The following CDK14 variants were observed in gnomAD, a reference collection of about 807,000 sequenced individuals.
CDK14 encodes cyclin-dependent kinase 14.
Under a neutral mutation model 60.7 loss-of-function variants are expected in CDK14, and 34 were observed. The observed-to-expected ratio is 0.56, with a 90% CI of 0.43 to 0.75. CDK14 has a LOEUF of 0.75. Among genes scored for constraint, CDK14 ranks in the 30% least tolerant of loss-of-function variants. The pLI, the probability that CDK14 is intolerant of heterozygous loss-of-function variation, is 0.00. For missense variants in CDK14, 482 were observed against 564.1 expected (o/e 0.85, Z 1.47); for synonymous variants, 197 against 203.7 (o/e 0.97, Z 0.28).
intron 10 of CDK14, among the ~76,000 whole-genome samples, chr7:90,994,218 A>T (rs1188524964): frequency 1.3e-5 from 2 of 152,178 alleles, no homozygotes; most frequent in Non-Finnish European, 2.9e-5. Flanking sequence ...TCGACTAATC[A>T]GGGCTGGAGC....
intron 10 of CDK14, among the ~76,000 whole-genome samples, chr7:91,038,089 C>G (rs551699923): frequency 6.6e-6 from 1 of 152,270 alleles, no homozygotes; most frequent in South Asian, 2.1e-4. Context: ...CCAGCCCTCT[C>G]CCTCAGTCAC....
At chr7:91,150,547 C>T (rs1299157149) in intron 14 of CDK14, among the ~76,000 whole-genome samples, 1 of 152,068 alleles carries the variant, frequency 6.6e-6, no homozygotes, top group Non-Finnish European at 1.5e-5. Context: ...TAGGATCACA[C>T]TAAATTTATA....
intron 5 of CDK14, among the ~76,000 whole-genome samples, chr7:90,824,089 G>C (rs565724703): frequency 6.6e-6 from 1 of 152,186 alleles, no homozygotes; most frequent in Admixed American, 6.5e-5. Context: ...TGTGAGCTTT[G>C]TCAGGAACGG....
At chr7:90,604,722 T>C (rs34651375) in intron 2 of CDK14, among the ~76,000 whole-genome samples, 1 of 152,230 alleles carries the variant, frequency 6.6e-6, no homozygotes, top group African/African-American at 2.4e-5. Flanking sequence ...ATTCTTTGTA[T>C]ATCAGATCCG....
At chr7:90,648,787 T>C (rs1002652258) in intron 2 of CDK14, among the ~76,000 whole-genome samples, 3 of 152,218 alleles carry the variant, frequency 2.0e-5, no homozygotes, top group African/African-American at 7.2e-5. Context: ...CCCTGTCCTA[T>C]GAAACTTCTG....
At chr7:90,660,892 A>G (rs1404870929) in intron 2 of CDK14, among the ~76,000 whole-genome samples, 1 of 152,192 alleles carries the variant, frequency 6.6e-6, no homozygotes, top group African/African-American at 2.4e-5. Context: ...CACATGTCTC[A>G]GGTGAATGGA....
chr7:90,989,757 T>C (rs777862814), intron 10 of CDK14, among the ~76,000 whole-genome samples: 12 of 152,212 alleles, frequency 7.9e-5, no homozygotes, highest in Non-Finnish European at 1.6e-4. Context: ...AGCCACCTTT[T>C]CAAATTGGAC....
In CDK14 at chr7:90,657,980, G is replaced by GATCA. The variant is rs1297425430; in HGVS notation, c.123+53734_123+53737dup. Among the ~76,000 whole-genome samples the GATCA allele has an allele frequency of 2.6e-5, 4 of 152,208 alleles. No homozygotes were observed. In the East Asian group the frequency reaches 7.7e-4, roughly 29 times the overall value. On this transcript the variant is annotated intron_variant, in intron 2 of 14. Coordinates refer to ENST00000380050, the MANE Select transcript of CDK14 (RefSeq NM_001287135.2). ...GATCTAATTTTTGTTCAAACTGTAGGATCAATTATTATGTTGAATGGCTCT... is the reference window on the plus strand; with the variant it reads ...GATCTAATTTTTGTTCAAACTGTAGGATCAATCAATTATTATGTTGAATGGCTCT...
chr7:90,775,556 C>T (rs1804988640), intron 4 of CDK14, among the ~76,000 whole-genome samples: 1 of 150,880 alleles, frequency 6.6e-6, no homozygotes, highest in Admixed American at 6.7e-5. Context: ...TCAAAGACCT[C>T]AGTAATGTGT....
chr7:90,720,698 CTTA>C (rs1211920753), intron 2 of CDK14, among the ~76,000 whole-genome samples: 1 of 152,020 alleles, frequency 6.6e-6, no homozygotes, highest in Non-Finnish European at 1.5e-5. Flanking sequence ...TTTATGTAAT[CTTA>C]TTATTATTTC....
At chr7:90,720,698 C>A (rs1271081323) in intron 2 of CDK14, among the ~76,000 whole-genome samples, 1 of 152,138 alleles carries the variant, frequency 6.6e-6, no homozygotes, top group East Asian at 1.9e-4. Context: ...TTTATGTAAT[C>A]TTATTATTAT....
chr7:91,091,474 C>T (rs1186733395), intron 12 of CDK14, among the ~76,000 whole-genome samples: 2 of 111,136 alleles, frequency 1.8e-5, no homozygotes, highest in Admixed American at 9.7e-5. Context: ...AATATATATA[C>T]ATATATGTAT....
rs868584704 is a variant in CDK14 at position 91,103,285 on chromosome 7, G to T, written c.1155-9257G>T. 2.6e-5 allele frequency among the ~76,000 whole-genome samples: 4 copies of T among 151,858 alleles called. No homozygotes were observed. In the South Asian group the frequency reaches 8.3e-4, roughly 32 times the overall value. On this transcript the variant is annotated intron_variant, in intron 12 of 14. Coordinates refer to ENST00000380050, the MANE Select transcript of CDK14 (RefSeq NM_001287135.2). ...AAGAAATGCTGTCTTCCAGGAAGTA[G>T]CCCTCTTCGTCTTGCCACAACCAGT... is the stretch of plus-strand genomic sequence containing the variant.
At chr7:91,188,363 A>T (rs1802254369) in intron 14 of CDK14, among the ~76,000 whole-genome samples, 1 of 152,216 alleles carries the variant, frequency 6.6e-6, no homozygotes, top group Non-Finnish European at 1.5e-5. Flanking sequence ...GGAAAGAAGT[A>T]ATAGAATCTG....
intron 8 of CDK14, among the ~76,000 whole-genome samples, chr7:90,937,113 A>G (rs188675504): frequency 6.6e-6 from 1 of 152,268 alleles, no homozygotes; most frequent in East Asian, 1.9e-4. Context: ...ATAAGCAAAC[A>G]CATAAATAAA....
rs971805465 is a variant in CDK14 at position 91,208,023 on chromosome 7, G to A, written c.*887G>A. 7.9e-5 allele frequency: 12 copies of A among 152,508 alleles called. No individual in the cohort carries two copies. Among genetic ancestry groups the A allele is most frequent in the African/African-American group, 2.4e-4 (10 of 41,396 alleles). 9.4% of individuals were successfully genotyped at this position (152,508 alleles called of 1,614,324 possible). A position where few individuals can be genotyped will look rare whatever the true frequency, so the allele number is the denominator to read the frequency against. ...TGAGGAACAGAATGTTTTAAATCTG[G>A]TGCAAAAGAACTATATCTGCTGGAT... On this transcript the variant is annotated 3_prime_UTR_variant, in exon 15 of 15. Coordinates refer to ENST00000380050, the MANE Select transcript of CDK14 (RefSeq NM_001287135.2).
chr7:90,756,468 G>A (rs557376163), intron 4 of CDK14, among the ~76,000 whole-genome samples: 1 of 152,302 alleles, frequency 6.6e-6, no homozygotes, highest in African/African-American at 2.4e-5. Flanking sequence ...TTTCACTCTA[G>A]TAGGTATTAA....
chr7:90,981,812 C>CAAAACAAAACAAAACAAAACAAAACAA (rs1201989610), intron 9 of CDK14, among the ~76,000 whole-genome samples: 29 of 152,032 alleles, frequency 1.9e-4, no homozygotes, highest in Admixed American at 1.9e-3. Context: ...AGAAACAAAA[C>CAAAACAAAACAAAACAAAACAAAACAA]AAAACAAAAC....
chr7:91,006,079 G>A (rs1053465930), intron 10 of CDK14, among the ~76,000 whole-genome samples: 28 of 152,242 alleles, frequency 1.8e-4, no homozygotes, highest in African/African-American at 6.0e-4. Context: ...GGTGGACACC[G>A]CTGGACCCCG....
Sources: allele counts gnomAD v4.1 joint callset (sites outside exome capture counted in the v4.1 genomes callset), GRCh38; gene constraint gnomAD v4.1.1; transcripts MANE v1.5; gene names NCBI Gene and HGNC (gene_info 2026-07-23, HGNC 2026-07-21).